PTPRK: variants seen among roughly 807,000 people sequenced by gnomAD.
The protein encoded by PTPRK is protein tyrosine phosphatase receptor type K, also known as receptor-type tyrosine-protein phosphatase kappa.
A neutral mutation model predicts 178.0 loss-of-function variants in PTPRK; 75 were observed. The observed-to-expected ratio is 0.42, with a 90% CI of 0.35 to 0.51. The LOEUF (loss-of-function observed/expected upper bound fraction) is 0.51, where lower values mean the gene tolerates loss of function less well. Among genes scored for constraint, PTPRK ranks in the 20% least tolerant of loss-of-function variants. The pLI, the probability that PTPRK is intolerant of heterozygous loss-of-function variation, is 0.02. For synonymous variants in PTPRK, 637 were observed against 620.6 expected (o/e 1.03, Z -0.39); for missense variants, 1,441 against 1,797.8 (o/e 0.80, Z 3.59).
intron 7 of PTPRK, among the ~76,000 whole-genome samples, chr6:128,174,490 TA>T (rs1800769105): frequency 6.6e-6 from 1 of 151,872 alleles, no homozygotes; most frequent in African/African-American, 2.4e-5. Flanking sequence ...TATAATATAT[TA>T]AAATAACTAG....
intron 3 of PTPRK, among the ~76,000 whole-genome samples, chr6:128,245,257 T>C (rs9784773): frequency 0.1 from 15,337 of 152,180 alleles, 1,713 homozygotes; most frequent in East Asian, 0.34. Flanking sequence ...ACTACATTGC[T>C]TCTCAAGAAA....
At chr6:128,389,636 T>C (rs1268765702) in intron 2 of PTPRK, among the ~76,000 whole-genome samples, 1 of 152,004 alleles carries the variant, frequency 6.6e-6, no homozygotes, top group Admixed American at 6.6e-5. Context: ...TTAAGGTATA[T>C]GTTAAAGGTG....
At chr6:127,973,395 A>G (rs1457891767) in intron 28 of PTPRK, among the ~76,000 whole-genome samples, 1 of 152,216 alleles carries the variant, frequency 6.6e-6, no homozygotes, top group Non-Finnish European at 1.5e-5. Context: ...AGACTTTGAG[A>G]TTCTGATATA....
chr6:128,212,269 A>G (rs1808336727), intron 6 of PTPRK, among the ~76,000 whole-genome samples: 1 of 152,002 alleles, frequency 6.6e-6, no homozygotes, highest in Non-Finnish European at 1.5e-5. Flanking sequence ...AATACTTAAC[A>G]TCATAATATG....
chr6:128,234,319 A>G (rs1812831926), intron 5 of PTPRK, among the ~76,000 whole-genome samples: 3 of 152,150 alleles, frequency 2.0e-5, no homozygotes, highest in African/African-American at 7.2e-5. Flanking sequence ...TGTGTCACTT[A>G]CTCATTTTTT....
At chr6:128,435,965 G>T (rs371805084) in intron 1 of PTPRK, among the ~76,000 whole-genome samples, 1 of 141,086 alleles carries the variant, frequency 7.1e-6, no homozygotes, top group South Asian at 2.4e-4. Context: ...AAATTATTCA[G>T]TCAACTGGCC....
chr6:128,244,136 G>A (rs1329170272), intron 3 of PTPRK, among the ~76,000 whole-genome samples: 1 of 151,932 alleles, frequency 6.6e-6, no homozygotes, highest in Non-Finnish European at 1.5e-5. Flanking sequence ...ATACAGAAAA[G>A]GAAACAAATT....
intron 16 of PTPRK, among the ~76,000 whole-genome samples, chr6:127,997,641 C>T (rs932753330): frequency 5.9e-5 from 9 of 152,122 alleles, no homozygotes; most frequent in Middle Eastern, 6.8e-3. Flanking sequence ...ACACAGGAAA[C>T]GGGGTCTTCA....
At chr6:128,348,391 A>G (rs1832694533) in intron 2 of PTPRK, among the ~76,000 whole-genome samples, 1 of 152,000 alleles carries the variant, frequency 6.6e-6, no homozygotes, top group Non-Finnish European at 1.5e-5. Context: ...AGTGTCTTTC[A>G]CTTGCAAATA....
At position 128,154,571 on chromosome 6, in the gene PTPRK, C is replaced by T. The variant is rs370634435; in HGVS notation, c.1162+29861G>A. On this transcript the variant is annotated intron_variant, in intron 7 of 29. Coordinates refer to ENST00000368226, the MANE Select transcript of PTPRK (RefSeq NM_002844.4). ...AGTGAGGACTAAAAATTTTCAAAAA[C>T]GCACAAATTACACTACCTCATTTTT... Among the ~76,000 whole-genome samples the T allele has an allele frequency of 4.6e-5, 7 of 151,450 alleles. No homozygotes were observed. The East Asian group carries it at 1.2e-3, about 25-fold the overall frequency.
chr6:128,436,113 A>G (rs985425966), intron 1 of PTPRK, among the ~76,000 whole-genome samples: 1 of 152,032 alleles, frequency 6.6e-6, no homozygotes, highest in Non-Finnish European at 1.5e-5. Flanking sequence ...CCAAAAAGAT[A>G]ATTTGTTGCT....
intron 1 of PTPRK, among the ~76,000 whole-genome samples, chr6:128,404,164 AGAG>A (rs1841375123): frequency 1.3e-5 from 2 of 152,316 alleles, no homozygotes; most frequent in South Asian, 2.1e-4. Flanking sequence ...TCACATATTA[AGAG>A]GAGTAGCGGT....
intron 4 of PTPRK, 27 bp from the exon 5 acceptor site, chr6:128,240,177 A>G (rs915857772): frequency 9.9e-6 from 15 of 1,510,162 alleles, no homozygotes; most frequent in African/African-American, 1.4e-5. Context: ...AAAAAAATGT[A>G]TTTGTTTTCA....
In PTPRK at chr6:128,051,378, G is replaced by A. The variant is rs184981946; in HGVS notation, c.2194+13380C>T. Among the ~76,000 whole-genome samples the A allele has an allele frequency of 7.2e-5, 11 of 152,220 alleles. No homozygotes were observed. The East Asian group carries it at 2.1e-3, about 29-fold the overall frequency. ...CAACCACTTTATTTTCTCAGCTCCA[G>A]TTCATGCTAAAGTCTTGCTTCTATT... On this transcript the variant is annotated intron_variant, in intron 13 of 29. Transcript: ENST00000368226.
At chr6:128,074,938 G>T (rs533286942) in intron 11 of PTPRK, among the ~76,000 whole-genome samples, 27 of 152,138 alleles carry the variant, frequency 1.8e-4, no homozygotes, top group South Asian at 1.0e-3. Flanking sequence ...TTCATAGAGA[G>T]AGCATTACTT....
chr6:127,976,519 A>AG, intron 27 of PTPRK, 138 bp downstream of exon 27: 4 of 1,077,934 alleles, frequency 3.7e-6, no homozygotes, highest in Non-Finnish European at 5.3e-6. Flanking sequence ...ACTAAGGCAT[A>AG]AGATGGTTAC....
chr6:127,999,931 G>C, intron 15 of PTPRK: 1 of 898,118 alleles, frequency 1.1e-6, no homozygotes, highest in Non-Finnish European at 1.3e-6. Context: ...AAAAAGAAAA[G>C]AAACTTTAAA....
chr6:128,432,729 G>C (rs572425393), intron 1 of PTPRK, among the ~76,000 whole-genome samples: 1 of 143,704 alleles, frequency 7.0e-6, no homozygotes, highest in Non-Finnish European at 1.5e-5. Context: ...TACCATACAG[G>C]TATGTTGTGT....
intron 5 of PTPRK, among the ~76,000 whole-genome samples, chr6:128,237,227 A>T (rs1301794557): frequency 1.3e-5 from 2 of 152,228 alleles, no homozygotes; most frequent in African/African-American, 2.4e-5. Flanking sequence ...TTGCCAATTG[A>T]AGCTCAATAC....
Sources: allele counts gnomAD v4.1 joint callset (sites outside exome capture counted in the v4.1 genomes callset), GRCh38; gene constraint gnomAD v4.1.1; transcripts MANE v1.5; gene names NCBI Gene and HGNC (gene_info 2026-07-23, HGNC 2026-07-21).